Variants in ADARB1 observed in about 807,000 individuals in gnomAD.
ADARB1 encodes the protein double-stranded RNA-specific editase 1.
A neutral mutation model predicts 52.4 loss-of-function variants in ADARB1; 10 were observed. That is an observed-to-expected ratio of 0.19 (90% CI 0.12 to 0.32). The LOEUF (loss-of-function observed/expected upper bound fraction) is 0.32, where lower values mean the gene tolerates loss of function less well. Among genes scored for constraint, ADARB1 ranks in the 10% least tolerant of loss-of-function variants. The pLI is 1.00. For missense variants in ADARB1, 643 were observed against 922.3 expected, an observed-to-expected ratio of 0.70 and a Z score of 3.92; for synonymous variants, 349 against 371.1, an observed-to-expected ratio of 0.94 and a Z score of 0.68.
chr21:45,131,940 C>T lies in ADARB1; in HGVS notation c.-48+3367C>T, dbSNP rs142055163. ...GGGCTCTTCTCTGTGTGGAGGTTCT[C>T]GAGATGGGCAGTCCGGGTGGATGGT... On this transcript the variant is annotated intron_variant, in intron 2 of 10. Transcript: ENST00000348831. Among the ~76,000 whole-genome samples the T allele has an allele frequency of 3.8e-4, 58 of 152,298 alleles. 1 individual carries two copies. The highest frequency in any genetic ancestry group is 1.1e-3 in the Admixed American group (17 of 15,302).
chr21:45,119,202 G>A (rs2088006284), intron 1 of ADARB1, among the ~76,000 whole-genome samples: 1 of 152,172 alleles, frequency 6.6e-6, no homozygotes, highest in Admixed American at 6.5e-5. Flanking sequence ...CAATACTCCT[G>A]TTATCAGCCT....
rs1442367776 is a variant in ADARB1 at position 45,112,452 on chromosome 21, C to A, written c.-219-15950C>A. On this transcript the variant is annotated intron_variant, in intron 1 of 10. Transcript: ENST00000348831. Reference sequence around the variant, plus strand: ...GCTCCTCATAACCCTTCCCTCTTCTCTTCCCTGGACTTTCTGGGCTGGGGC... The same window carrying A: ...GCTCCTCATAACCCTTCCCTCTTCTATTCCCTGGACTTTCTGGGCTGGGGC... Among the ~76,000 whole-genome samples, 35 of 151,910 alleles carry A rather than the reference C, an allele frequency of 2.3e-4. 1 individual carries two copies. Among genetic ancestry groups the A allele is most frequent in the Admixed American group, 2.2e-3 (34 of 15,244 alleles).
chr21:45,121,119 G>C (rs2088154057), intron 1 of ADARB1, among the ~76,000 whole-genome samples: 1 of 152,134 alleles, frequency 6.6e-6, no homozygotes, highest in African/African-American at 2.4e-5. Context: ...AGATTATACT[G>C]GGCTCGTAAA....
At chr21:45,214,823 T>C (rs1329623516) in intron 9 of ADARB1, among the ~76,000 whole-genome samples, 3 of 152,244 alleles carry the variant, frequency 2.0e-5, no homozygotes, top group Non-Finnish European at 2.9e-5. Flanking sequence ...GTCTTCCAAC[T>C]TTGTACTTTT....
At chr21:45,129,171 G>A (rs2088779202) in intron 2 of ADARB1, among the ~76,000 whole-genome samples, 1 of 152,032 alleles carries the variant, frequency 6.6e-6, no homozygotes, top group African/African-American at 2.4e-5. Flanking sequence ...AGAGGCTGCA[G>A]TGAGCTGAGA....
chr21:45,212,902 GTTAT>G (rs1380680895), intron 9 of ADARB1, among the ~76,000 whole-genome samples: 3 of 152,210 alleles, frequency 2.0e-5, no homozygotes, highest in Non-Finnish European at 4.4e-5. Context: ...TTATTAGTAT[GTTAT>G]TTAGTAAGTG....
chr21:45,185,239 T>A, intron 8 of ADARB1, 148 bp downstream of exon 8: 2 of 1,096,760 alleles, frequency 1.8e-6, no homozygotes, highest in Non-Finnish European at 2.6e-6. Context: ...ACTGAGGTTC[T>A]AAACAGGTGC....
chr21:45,187,614 T>G (rs2092150967), intron 8 of ADARB1, among the ~76,000 whole-genome samples: 1 of 152,254 alleles, frequency 6.6e-6, no homozygotes, highest in South Asian at 2.1e-4. Context: ...TTTTCAGTCT[T>G]TCACCGTTGA....
chr21:45,074,614 G>GGCGGCGGCA lies in ADARB1; in HGVS notation c.-390_-382dup, dbSNP rs574162552. On this transcript the variant is annotated 5_prime_UTR_variant, in exon 1 of 11. Coordinates refer to ENST00000348831, the MANE Select transcript of ADARB1 (RefSeq NM_001112.4). ...AGGCGGCCGTGGCGGCGGCGGCGGC[G>GGCGGCGGCA]GCGGCGGCAGCGGCGGCCAAGCGGC... 30 of 149,478 alleles carry GGCGGCGGCA rather than the reference G, an allele frequency of 2.0e-4. No individual in the cohort carries two copies. The Middle Eastern group carries it at 0.01, about 52-fold the overall frequency. The allele number at this position is 149,478 out of a possible 1,614,324, so 9.3% of individuals were successfully genotyped here.
chr21:45,225,742 C>G lies in ADARB1; in HGVS notation c.*3545C>G. 1 of 427,124 alleles carries G rather than the reference C, an allele frequency of 2.3e-6. No individual in the cohort carries two copies. The highest frequency in any genetic ancestry group is 4.0e-6 in the Non-Finnish European group (1 of 250,604). 26.5% of individuals were successfully genotyped at this position (427,124 alleles called of 1,614,324 possible). On this transcript the variant is annotated 3_prime_UTR_variant, in exon 11 of 11. Transcript: ENST00000348831. ...CCCAGGCATAAAGAAGGAAAATTGG[C>G]CATCTTTCCCACCTCTAAATTCTGT...
At chr21:45,153,440 A>G (rs1444691454) in intron 2 of ADARB1, among the ~76,000 whole-genome samples, 3 of 152,126 alleles carry the variant, frequency 2.0e-5, no homozygotes, top group Non-Finnish European at 4.4e-5. Context: ...AGGCGTGATC[A>G]GTGCCTCTGC....
intron 1 of ADARB1, among the ~76,000 whole-genome samples, chr21:45,098,443 G>T (rs75322763): frequency 6.6e-6 from 1 of 152,096 alleles, no homozygotes; most frequent in African/African-American, 2.4e-5. Flanking sequence ...CTCTGCTGAC[G>T]GCCCCTTCTG....
At chr21:45,106,167 G>T (rs1333557827) in intron 1 of ADARB1, among the ~76,000 whole-genome samples, 2 of 126,822 alleles carry the variant, frequency 1.6e-5, no homozygotes, top group Non-Finnish European at 3.5e-5. Context: ...TGTATCTTGA[G>T]CAGGCTTGTT....
At chr21:45,084,333 C>A (rs953356842) in intron 1 of ADARB1, among the ~76,000 whole-genome samples, 2 of 152,200 alleles carry the variant, frequency 1.3e-5, no homozygotes, top group Non-Finnish European at 2.9e-5. Context: ...GAGGCTCACG[C>A]GAGGCTGGCA....
chr21:45,182,900 C>T (rs762251309), intron 6 of ADARB1, 147 bp downstream of exon 6: 11 of 755,144 alleles, frequency 1.5e-5, no homozygotes, highest in Non-Finnish European at 2.2e-5. Flanking sequence ...AGGCTGCATC[C>T]CATTCTTCCA....
At chr21:45,178,842 G>A (rs528461456) in intron 4 of ADARB1, among the ~76,000 whole-genome samples, 1 of 152,116 alleles carries the variant, frequency 6.6e-6, no homozygotes, top group South Asian at 2.1e-4. Flanking sequence ...TCCCCTCAAC[G>A]GGGTGCTGAG....
intron 2 of ADARB1, among the ~76,000 whole-genome samples, chr21:45,140,420 G>A (rs1395523785): frequency 6.6e-6 from 1 of 152,198 alleles, no homozygotes; most frequent in Non-Finnish European, 1.5e-5. Context: ...ACCAGGCTGT[G>A]AGGTACAGGT....
At chr21:45,190,004 G>C (rs770887780) in intron 8 of ADARB1, among the ~76,000 whole-genome samples, 82 of 152,082 alleles carry the variant, frequency 5.4e-4, no homozygotes, top group Admixed American at 1.2e-3. Context: ...TTGGGAAACT[G>C]TTAGCAATTA....
intron 1 of ADARB1, among the ~76,000 whole-genome samples, chr21:45,103,137 G>T (rs1220010170): frequency 6.6e-6 from 1 of 152,170 alleles, no homozygotes; most frequent in Non-Finnish European, 1.5e-5. Context: ...GCCAAGAGGG[G>T]CCTAGGGAGC....
Sources: allele counts gnomAD v4.1 joint callset (sites outside exome capture counted in the v4.1 genomes callset), GRCh38; gene constraint gnomAD v4.1.1; transcripts MANE v1.5; gene names NCBI Gene and HGNC (gene_info 2026-07-23, HGNC 2026-07-21).